Variants in KCNRG observed in about 807,000 individuals in gnomAD.
KCNRG encodes the protein potassium channel regulatory protein.
In KCNRG, 17 loss-of-function variants were observed where a neutral mutation model predicts 17.7. The ratio of observed to expected loss-of-function variants is 0.96; its 90% CI spans 0.66 to 1.44. KCNRG has a LOEUF of 1.44. KCNRG is among the 40% of genes most tolerant of loss of function. The pLI, the probability that KCNRG is intolerant of heterozygous loss-of-function variation, is 0.00. For missense variants in KCNRG, 311 were observed against 321.1 expected, an observed-to-expected ratio of 0.97 and a Z score of 0.24; for synonymous variants, 97 against 116.5, an observed-to-expected ratio of 0.83 and a Z score of 1.08.
intron 1 of KCNRG, chr13:50,016,399 T>C (rs1341157051): frequency 8.2e-6 from 2 of 245,314 alleles, no homozygotes; most frequent in Non-Finnish European, 1.7e-5. Context: ...AGAAAAGAAT[T>C]GCCTTATTTT....
At chr13:50,019,376 C>T (rs1877001790) in intron 1 of KCNRG, among the ~76,000 whole-genome samples, 1 of 151,838 alleles carries the variant, frequency 6.6e-6, no homozygotes, top group Non-Finnish European at 1.5e-5. Context: ...AGAGTTATTG[C>T]GTAAAAAGTG....
chr13:50,016,566 T>C (rs1171654395), intron 1 of KCNRG: 1 of 168,154 alleles, frequency 5.9e-6, no homozygotes, highest in Non-Finnish European at 1.5e-5. Context: ...CAGATATATC[T>C]CATGGCAAAT....
At chr13:50,017,107 C>G (rs1876699675) in intron 1 of KCNRG, 1 of 166,986 alleles carries the variant, frequency 6.0e-6, no homozygotes, top group South Asian at 2.1e-4. Context: ...GCCAGTCAAG[C>G]TAGTAGGCTG....
chr13:50,018,371 C>T (rs1876887419), intron 1 of KCNRG: 1 of 166,396 alleles, frequency 6.0e-6, no homozygotes, highest in Non-Finnish European at 1.5e-5. Context: ...TGTTTTTAGA[C>T]TGTACAGTCA....
rs775882086 is a variant in KCNRG at position 50,020,357 on chromosome 13, GC to G, written c.723del (p.Phe242LeufsTer4). 7 of 1,614,072 alleles carry G rather than the reference GC, an allele frequency of 4.3e-6. No homozygotes were observed. The highest frequency in any genetic ancestry group is 3.3e-4 in the Middle Eastern group (2 of 6,062). On this transcript the variant is annotated frameshift_variant, in exon 2 of 2. Coordinates refer to ENST00000312942, the MANE Select transcript of KCNRG (RefSeq NM_173605.2). LOFTEE classifies it high-confidence loss of function. ...VSSEDKTECY[S>X]FERIKSPEVL... ...TCTGAAGACAAAACTGAATGCTATAGCTTTGAAAGGATAAAAAGCCCTGAAG... is the reference window on the plus strand; with the variant it reads ...TCTGAAGACAAAACTGAATGCTATAGTTTGAAAGGATAAAAAGCCCTGAAG...
intron 1 of KCNRG, among the ~76,000 whole-genome samples, chr13:50,019,587 T>C (rs1877019340): frequency 6.6e-6 from 1 of 151,598 alleles, no homozygotes; most frequent in Admixed American, 6.6e-5. Context: ...CAAAACAAAA[T>C]TGGAAATAGT....
Position 50,016,078 on chromosome 13 carries a change from T to C in KCNRG, c.578+7T>C, listed in dbSNP as rs1215017837. The C allele has an allele frequency of 6.2e-7, 1 of 1,605,736 alleles. No homozygotes were observed. Among genetic ancestry groups the C allele is most frequent in the Non-Finnish European group, 8.5e-7 (1 of 1,172,872 alleles). Reference sequence around the variant, plus strand: ...ATAACCAAACTGGAGTCAGGTATTTTGTACTTTGCAGTATTTCTCTTGTAT... The same window carrying C: ...ATAACCAAACTGGAGTCAGGTATTTCGTACTTTGCAGTATTTCTCTTGTAT... On this transcript the variant is annotated splice_region_variant and intron_variant, in intron 1 of 1. Coordinates refer to ENST00000312942, the MANE Select transcript of KCNRG (RefSeq NM_173605.2).
chr13:50,016,863 CT>C (rs34862097), intron 1 of KCNRG: 123,701 of 149,466 alleles, frequency 0.83, 50,835 homozygotes, highest in East Asian at 0.99. Context: ...TTAAAATATA[CT>C]TTTTTTTTTT....
Position 50,020,642 on chromosome 13 carries a change from G to A in KCNRG, c.*188G>A. On this transcript the variant is annotated 3_prime_UTR_variant, in exon 2 of 2. Coordinates refer to ENST00000312942, the MANE Select transcript of KCNRG (RefSeq NM_173605.2). ...CCTGCTGCTCTCTAGACAACTCCAT[G>A]TACTTGGTGCTTTGGTATATGTTCT... 1.7e-6 allele frequency: 1 copy of A among 579,566 alleles called. No individual in the cohort carries two copies. The highest frequency in any genetic ancestry group is 2.1e-5 in the South Asian group (1 of 47,664). 35.9% of individuals were successfully genotyped at this position (579,566 alleles called of 1,614,324 possible).
intron 1 of KCNRG, chr13:50,016,357 A>T (rs147547977): frequency 7.2e-5 from 25 of 345,320 alleles, no homozygotes; most frequent in Admixed American, 1.8e-4. Context: ...ATAATTTTGT[A>T]GATTATGTTC....
rs747204054 is a variant in KCNRG, at chr13:50,020,422, A to G, written c.787A>G (p.Ile263Val). The change falls in exon 2 of 2, where the codon ATC (isoleucine) becomes GTC (valine). Residue 263 changes from isoleucine (I) to valine (V), a missense_variant. Ile to Val is a conservative substitution (Grantham distance 29, BLOSUM62 3). Coordinates refer to ENST00000312942, the MANE Select transcript of KCNRG (RefSeq NM_173605.2). Reference sequence around the variant, plus strand: ...TGAAACACCAAAACCAGAGACTATCATCATACCAGAGCAATCTCAGATAAA... The same window carrying G: ...TGAAACACCAAAACCAGAGACTATCGTCATACCAGAGCAATCTCAGATAAA... Reference protein sequence around the residue: ...TNETPKPETIIIPEQSQIKK With the variant: ...TNETPKPETIVIPEQSQIKK 11 of 1,614,042 alleles carry G rather than the reference A, an allele frequency of 6.8e-6. No homozygotes were observed. Among genetic ancestry groups the G allele is most frequent in the African/African-American group, 1.3e-5 (1 of 75,054 alleles).
Position 50,020,797 on chromosome 13 carries a change from A to G in KCNRG, c.*343A>G. ...AAAAAAATTGATCAAACTGATGGAT[A>G]CCCTAAGTACCCTGACTTGATCATT... On this transcript the variant is annotated 3_prime_UTR_variant, in exon 2 of 2. Transcript: ENST00000312942. The G allele has an allele frequency of 1.3e-5, 3 of 228,828 alleles. No individual in the cohort carries two copies. The South Asian group carries it at 2.4e-4, about 18-fold the overall frequency. The allele number at this position is 228,828 out of a possible 1,614,324, so 14.2% of individuals were successfully genotyped here.
At position 50,020,283 on chromosome 13, in the gene KCNRG, CACTT is replaced by C. The variant is rs1877077870; in HGVS notation, c.649_652del (p.Thr217TyrfsTer2). On this transcript the variant is annotated frameshift_variant, in exon 2 of 2. Coordinates refer to ENST00000312942, the MANE Select transcript of KCNRG (RefSeq NM_173605.2). LOFTEE classifies it high-confidence loss of function. Reference sequence around the variant, plus strand: ...CAAATGTCCTCGGCTTACTGATTGACACTTTATTAAAGGAAGGCTTTCATTTGGT... The same window carrying C: ...CAAATGTCCTCGGCTTACTGATTGACTATTAAAGGAAGGCTTTCATTTGGT... 1 of 1,613,980 alleles carries C rather than the reference CACTT, an allele frequency of 6.2e-7. No homozygotes were observed. The highest frequency in any genetic ancestry group is 8.5e-7 in the Non-Finnish European group (1 of 1,179,864).
At chr13:50,016,268 T>C (rs1219819569) in intron 1 of KCNRG, 197 bp downstream of exon 1, 5 of 540,424 alleles carry the variant, frequency 9.3e-6, no homozygotes, top group Admixed American at 3.4e-5. Context: ...AAAGGGGCTA[T>C]TATTAGGTGG....
chr13:50,015,990 T>G lies in KCNRG; in HGVS notation c.497T>G (p.Leu166Arg), dbSNP rs2138445655. Residue 166 changes from leucine to arginine, a missense_variant, in exon 1 of 2, where the codon CTG (leucine) becomes CGG (arginine). By Grantham distance (102) the Leu-to-Arg change is moderately radical. Transcript: ENST00000312942. ...CCTCCTCAGATGACCTTACTTCCACTGCCTCCACAAAGACCTTCTTACCAT... is the reference window on the plus strand; with the variant it reads ...CCTCCTCAGATGACCTTACTTCCACGGCCTCCACAAAGACCTTCTTACCAT... ...FFPPQMTLLP[L>R]PPQRPSYHDL... is the part of the protein sequence containing the mutation. 5 of 1,614,108 alleles carry G rather than the reference T, an allele frequency of 3.1e-6. No homozygotes were observed. The East Asian group carries it at 1.1e-4, about 36-fold the overall frequency.
In KCNRG at chr13:50,016,089, G is replaced by GT; in HGVS notation, c.578+19dup. ...GGAGTCAGGTATTTTGTACTTTGCAGTATTTCTCTTGTATACCAGTTTGTG... is the reference window on the plus strand; with the variant it reads ...GGAGTCAGGTATTTTGTACTTTGCAGTTATTTCTCTTGTATACCAGTTTGTG... On this transcript the variant is annotated intron_variant, in intron 1 of 1. Coordinates refer to ENST00000312942, the MANE Select transcript of KCNRG (RefSeq NM_173605.2). 6.3e-7 allele frequency: 1 copy of GT among 1,582,448 alleles called. No homozygotes were observed. Among genetic ancestry groups the GT allele is most frequent in the Non-Finnish European group, 8.7e-7 (1 of 1,152,568 alleles).
At position 50,015,935 on chromosome 13, in the gene KCNRG, T is replaced by A. The variant is rs1436352926; in HGVS notation, c.442T>A (p.Ser148Thr). Residue 148 changes from serine (S) to threonine (T), a missense_variant, in exon 1 of 2, where the codon TCA (serine) becomes ACA (threonine). Coordinates refer to ENST00000312942, the MANE Select transcript of KCNRG (RefSeq NM_173605.2). ...GRITVFTEQP[S>T]APTWNGNFFP... Reference sequence around the variant, plus strand: ...GATTACAGTGTTTACAGAACAACCTTCAGCGCCGACCTGGAATGGTAACTT... The same window carrying A: ...GATTACAGTGTTTACAGAACAACCTACAGCGCCGACCTGGAATGGTAACTT... 67 of 1,614,006 alleles carry A rather than the reference T, an allele frequency of 4.2e-5. No homozygotes were observed. Among genetic ancestry groups the A allele is most frequent in the Non-Finnish European group, 5.6e-5 (66 of 1,179,994 alleles).
chr13:50,015,582 G>A lies in KCNRG; in HGVS notation c.89G>A (p.Arg30His), dbSNP rs143306362. The A allele has an allele frequency of 1.8e-4, 289 of 1,614,080 alleles. 3 individuals carry two copies. The African/African-American group carries it at 3.6e-3, about 20-fold the overall frequency. Residue 30 changes from arginine (R) to histidine (H), a missense_variant, in exon 1 of 2, where the codon CGT (arginine) becomes CAT (histidine). Arg to His is a conservative substitution (Grantham distance 29). Transcript: ENST00000312942. ...FSTIKQFPAS[R>H]LARMLDGRDQ... ...ACGATAAAGCAGTTTCCTGCTTCTC[G>A]TTTGGCACGCATGTTAGATGGCAGA...
In KCNRG at chr13:50,020,476, G is replaced by C; in HGVS notation, c.*22G>C. The C allele has an allele frequency of 6.2e-7, 1 of 1,604,794 alleles. No homozygotes were observed. The highest frequency in any genetic ancestry group is 1.1e-5 in the South Asian group (1 of 90,144). ...ATGAAGTTGTCTATCCTCTTTTAAAGAGAAATTGCCATTTTTCTTGTTTCA... is the reference window on the plus strand; with the variant it reads ...ATGAAGTTGTCTATCCTCTTTTAAACAGAAATTGCCATTTTTCTTGTTTCA... On this transcript the variant is annotated 3_prime_UTR_variant, in exon 2 of 2. Transcript: ENST00000312942.
Sources: gnomAD v4.1 joint callset for allele counts (sites outside exome capture counted in the v4.1 genomes callset) on GRCh38, gnomAD v4.1.1 for gene constraint, MANE v1.5 for transcripts, NCBI Gene and HGNC (gene_info 2026-07-23, HGNC 2026-07-21) for gene names.